Variants in TRMT10B observed in about 807,000 individuals in gnomAD.
TRMT10B encodes the protein tRNA methyltransferase 10 homolog B.
In TRMT10B, 33 loss-of-function variants were observed where a neutral mutation model predicts 43.8. The observed-to-expected ratio is 0.75, with a 90% CI of 0.57 to 1.01. The LOEUF is 1.01. Ranked by LOEUF, TRMT10B falls within the 50% of genes least tolerant of loss-of-function variation. TRMT10B has a pLI of 0.00. For synonymous variants in TRMT10B, 137 were observed against 130.6 expected (o/e 1.05, Z -0.34); for missense variants, 362 against 369.8 (o/e 0.98, Z 0.17).
At chr9:37,772,788 C>T (rs1827728915) in intron 7 of TRMT10B, among the ~76,000 whole-genome samples, 1 of 152,024 alleles carries the variant, frequency 6.6e-6, no homozygotes, top group Non-Finnish European at 1.5e-5. Context: ...AGTTTGAGAC[C>T]AGCCTGGGCA....
At chr9:37,766,020 C>CTGTA (rs1355484761) in intron 4 of TRMT10B, among the ~76,000 whole-genome samples, 4 of 150,666 alleles carry the variant, frequency 2.7e-5, no homozygotes, top group African/African-American at 7.3e-5. Context: ...TCCTCCCATT[C>CTGTA]TGTAGGTTGC....
At chr9:37,763,122 T>TGAC (rs1195157393) in intron 3 of TRMT10B, among the ~76,000 whole-genome samples, 1 of 123,488 alleles carries the variant, frequency 8.1e-6, no homozygotes, top group Non-Finnish European at 1.6e-5. Context: ...AGAGCCTGGG[T>TGAC]GACAGAGTGA....
chr9:37,771,856 T>C (rs1273938230), intron 7 of TRMT10B, among the ~76,000 whole-genome samples: 4 of 151,042 alleles, frequency 2.6e-5, no homozygotes, highest in African/African-American at 7.3e-5. Context: ...TCCTGAGGTG[T>C]AGTATTCTTG....
chr9:37,769,871 G>T, intron 5 of TRMT10B, 70 bp from the exon 6 acceptor site: 1 of 1,231,848 alleles, frequency 8.1e-7, no homozygotes, highest in South Asian at 1.2e-5. Flanking sequence ...CCAAAGTTCT[G>T]GGATTACAGA....
At chr9:37,773,933 G>T (rs1827852196) in intron 7 of TRMT10B, among the ~76,000 whole-genome samples, 2 of 143,508 alleles carry the variant, frequency 1.4e-5, no homozygotes, top group Non-Finnish European at 3.0e-5. Flanking sequence ...CCTGGGTGAT[G>T]CAACACAGTG....
In TRMT10B at chr9:37,777,753, G is replaced by C. The variant is rs1426784032; in HGVS notation, c.*46G>C. 6.6e-7 allele frequency: 1 copy of C among 1,519,918 alleles called. No individual in the cohort carries two copies. The highest frequency in any genetic ancestry group is 1.4e-5 in the African/African-American group (1 of 72,752). The allele number at this position is 1,519,918 out of a possible 1,614,324, so 94.2% of individuals were successfully genotyped here. Reference sequence around the variant, plus strand: ...CGTGGCCAGGTGCTCACGCCGTAATGCCAACACTTTGGTAGACCGAAGTGG... The same window carrying C: ...CGTGGCCAGGTGCTCACGCCGTAATCCCAACACTTTGGTAGACCGAAGTGG... On this transcript the variant is annotated 3_prime_UTR_variant, in exon 9 of 9. Transcript: ENST00000297994.
chr9:37,776,252 TA>T, intron 7 of TRMT10B, 29 bp from the exon 8 acceptor site: 2 of 1,427,916 alleles, frequency 1.4e-6, no homozygotes, highest in African/African-American at 1.5e-5. Flanking sequence ...ATAATTTTTA[TA>T]AGAAAAATAT....
rs775989862 is a variant in TRMT10B, at chr9:37,762,655, C to A, written c.265C>A (p.Arg89=). The part of the protein sequence containing the change: ...KKSKRKQEKE[R]RKANRAENPG... ...GAGCAAAAGAAAGCAAGAAAAAGAACGAAGAAAAGCCAATCGTGCAGAAAA... is the reference window on the plus strand; with the variant it reads ...GAGCAAAAGAAAGCAAGAAAAAGAAAGAAGAAAAGCCAATCGTGCAGAAAA... The change falls in exon 3 of 9, where the codon CGA becomes AGA. Residue 89 remains arginine, a synonymous_variant. Transcript: ENST00000297994. The A allele has an allele frequency of 2.5e-6, 4 of 1,591,758 alleles. No individual in the cohort carries two copies. Among genetic ancestry groups the A allele is most frequent in the Admixed American group, 1.8e-5 (1 of 56,820 alleles).
rs768210069 is a variant in TRMT10B at position 37,776,320 on chromosome 9, G to A, written c.759G>A (p.Lys253=). ...AAAAGGCCCGGGAATACTCTGTCAA[G>A]ACCGCACGCTTGCCAATCCAGGAAT... is the stretch of plus-strand genomic sequence containing the variant. ...TFQKAREYSV[K]TARLPIQEYM... The change falls in exon 8 of 9, where the codon AAG becomes AAA. Residue 253 remains lysine (K), a synonymous_variant. Coordinates refer to ENST00000297994, the MANE Select transcript of TRMT10B (RefSeq NM_144964.4). 3.1e-6 allele frequency: 5 copies of A among 1,610,248 alleles called. 1 individual carries two copies. The South Asian group carries it at 5.5e-5, about 18-fold the overall frequency.
intron 6 of TRMT10B, 73 bp from the exon 7 acceptor site, chr9:37,770,595 ATTCT>A: frequency 7.7e-7 from 1 of 1,304,536 alleles, no homozygotes; most frequent in Non-Finnish European, 1.1e-6. Context: ...ATTGTTAATA[ATTCT>A]TTCATTTTGC....
chr9:37,753,875 G>A (rs1162229962), intron 1 of TRMT10B, 23 bp downstream of exon 1: 1 of 152,468 alleles, frequency 6.6e-6, no homozygotes, highest in Non-Finnish European at 1.5e-5. Context: ...CTGGTTAAGG[G>A]GGCTGGCTGG....
intron 5 of TRMT10B, 133 bp from the exon 6 acceptor site, chr9:37,769,808 G>GC: frequency 2.7e-6 from 2 of 742,918 alleles, no homozygotes; most frequent in South Asian, 1.5e-5. Flanking sequence ...TCACCATGTT[G>GC]CCCAGTCTGG....
intron 1 of TRMT10B, among the ~76,000 whole-genome samples, chr9:37,758,330 C>T (rs550683117): frequency 2.6e-5 from 4 of 152,200 alleles, no homozygotes; most frequent in South Asian, 2.1e-4. Context: ...GAGAATCACC[C>T]GAGCATGGGA....
At chr9:37,767,520 A>G (rs1331669778) in intron 4 of TRMT10B, 1 of 146,288 alleles carries the variant, frequency 6.8e-6, no homozygotes, top group East Asian at 2.0e-4. Context: ...CTCCAAAAAA[A>G]AAAAAAAAAA....
chr9:37,776,175 A>C (rs926485947), intron 7 of TRMT10B, 107 bp from the exon 8 acceptor site: 8 of 947,598 alleles, frequency 8.4e-6, no homozygotes, highest in Admixed American at 4.0e-5. Flanking sequence ...CATTATCTGC[A>C]GTTTCTTCCA....
intron 1 of TRMT10B, among the ~76,000 whole-genome samples, chr9:37,758,059 A>G (rs1169179739): frequency 1.3e-5 from 2 of 152,232 alleles, no homozygotes; most frequent in Non-Finnish European, 2.9e-5. Flanking sequence ...GGAAAAGAAA[A>G]CATAATTCTA....
chr9:37,756,087 A>G lies in TRMT10B; in HGVS notation c.-30+2235A>G, dbSNP rs1825643791. Among the ~76,000 whole-genome samples, 2 of 152,100 alleles carry G rather than the reference A, an allele frequency of 1.3e-5. 1 individual carries two copies. Among genetic ancestry groups the G allele is most frequent in the African/African-American group, 4.8e-5 (2 of 41,412 alleles). Reference sequence around the variant, plus strand: ...TCCATTGCCTCCCAGTCATTCCCCAACAGGCCCCGGCATACAGTAGGAGCT... The same window carrying G: ...TCCATTGCCTCCCAGTCATTCCCCAGCAGGCCCCGGCATACAGTAGGAGCT... On this transcript the variant is annotated intron_variant, in intron 1 of 8. Transcript: ENST00000297994.
Position 37,770,043 on chromosome 9 carries a change from C to T in TRMT10B, c.652+24C>T, listed in dbSNP as rs368632019. 2.4e-5 allele frequency: 38 copies of T among 1,579,566 alleles called. No homozygotes were observed. The African/African-American group carries it at 3.0e-4, about 12-fold the overall frequency. ...CGGTATGTAGTTGAATGCATGGATT[C>T]GTATAGCCCATTGTTCCTGTGTTTC... On this transcript the variant is annotated intron_variant, in intron 6 of 8. Coordinates refer to ENST00000297994, the MANE Select transcript of TRMT10B (RefSeq NM_144964.4).
intron 7 of TRMT10B, among the ~76,000 whole-genome samples, chr9:37,774,812 C>A (rs1233152482): frequency 6.6e-6 from 1 of 152,128 alleles, no homozygotes; most frequent in Non-Finnish European, 1.5e-5. Flanking sequence ...CTGGTTAGAC[C>A]ATACTCATGA....
Sources: allele counts gnomAD v4.1 joint callset (sites outside exome capture counted in the v4.1 genomes callset), GRCh38; gene constraint gnomAD v4.1.1; transcripts MANE v1.5; gene names NCBI Gene and HGNC (gene_info 2026-07-23, HGNC 2026-07-21).